Variants in PIK3CB observed in about 807,000 individuals in gnomAD.
The protein encoded by PIK3CB is phosphatidylinositol-4,5-bisphosphate 3-kinase catalytic subunit beta, also known as phosphatidylinositol 4,5-bisphosphate 3-kinase catalytic subunit beta isoform.
PIK3CB carries 39 observed loss-of-function variants against 136.8 expected under a neutral mutation model. The observed-to-expected ratio is 0.29, with a 90% CI of 0.22 to 0.37. PIK3CB has a LOEUF of 0.37. PIK3CB is among the 10% of genes least tolerant of loss of function. The pLI, the probability that PIK3CB is intolerant of heterozygous loss-of-function variation, is 1.00. For missense variants in PIK3CB, 868 were observed against 1,275.4 expected, an observed-to-expected ratio of 0.68 and a Z score of 4.87; for synonymous variants, 428 against 436.6, an observed-to-expected ratio of 0.98 and a Z score of 0.25.
At chr3:138,662,745 C>T (rs2108412281) in intron 21 of PIK3CB, among the ~76,000 whole-genome samples, 1 of 152,066 alleles carries the variant, frequency 6.6e-6, no homozygotes, top group South Asian at 2.1e-4. Flanking sequence ...AAAAGTGTTC[C>T]TATTTCTCCA....
chr3:138,805,831 G>A (rs1262996524), intron 1 of PIK3CB, among the ~76,000 whole-genome samples: 1 of 151,646 alleles, frequency 6.6e-6, no homozygotes, highest in Non-Finnish European at 1.5e-5. Context: ...CCCGGTCCAA[G>A]CGATTCTCCT....
In PIK3CB at chr3:138,665,110, G is replaced by C; in HGVS notation, c.2598C>G (p.Asn866Lys). The change falls in exon 20 of 24, where the codon AAC becomes AAG. Residue 866 changes from asparagine (N) to lysine (K), a missense_variant. This residue lies in a region of PIK3CB where 165 missense variants were observed against 295.4 expected (regional missense o/e 0.56). Coordinates refer to ENST00000674063, the MANE Select transcript of PIK3CB (RefSeq NM_006219.3). Reference protein sequence around the residue: ...TSETIADIQLNSSNVAAAAAF... With the variant: ...TSETIADIQLKSSNVAAAAAF... ...CTGCTGCAGCAGCCACATTGCTACT[G>C]TTCAGCTGAATGTCAGCAATTGTTT... The C allele has an allele frequency of 6.2e-7, 1 of 1,613,352 alleles. No homozygotes were observed. The highest frequency in any genetic ancestry group is 8.5e-7 in the Non-Finnish European group (1 of 1,179,408).
At chr3:138,760,456 C>T (rs749748078) in intron 2 of PIK3CB, among the ~76,000 whole-genome samples, 1 of 152,210 alleles carries the variant, frequency 6.6e-6, no homozygotes, top group African/African-American at 2.4e-5. Context: ...ACTATCCCAA[C>T]AAATGCACCC....
chr3:138,663,671 C>G (rs370195782), intron 21 of PIK3CB, among the ~76,000 whole-genome samples: 3 of 152,122 alleles, frequency 2.0e-5, no homozygotes, highest in African/African-American at 7.2e-5. Context: ...CGTGAGCCAC[C>G]ACACACAGCC....
intron 10 of PIK3CB, among the ~76,000 whole-genome samples, chr3:138,708,526 G>A (rs1215187591): frequency 2.0e-5 from 3 of 151,540 alleles, no homozygotes; most frequent in African/African-American, 7.3e-5. Context: ...CTCCAAAAGT[G>A]CTGGAATTAC....
chr3:138,696,383 G>T (rs2044138642), intron 13 of PIK3CB, among the ~76,000 whole-genome samples: 2 of 151,506 alleles, frequency 1.3e-5, no homozygotes, highest in South Asian at 4.2e-4. Context: ...GTAGAGATAG[G>T]GTCTCGCTAT....
intron 10 of PIK3CB, 114 bp downstream of exon 10, chr3:138,712,094 A>G (rs999184991): frequency 7.9e-6 from 4 of 504,644 alleles, no homozygotes; most frequent in Non-Finnish European, 1.0e-5. Context: ...TAAATAATAC[A>G]AAATGATAAT....
chr3:138,657,727 G>C lies in PIK3CB; in HGVS notation c.2905C>G (p.Gln969Glu), dbSNP rs2043216713. ...TCTGTATTTCCTGTTTTTCCTTGTTGAATGACATGGATGAAATCATAGGTA... is the reference window on the plus strand; with the variant it reads ...TCTGTATTTCCTGTTTTTCCTTGTTCAATGACATGGATGAAATCATAGGTA... ...ILTYDFIHVI[Q>E]QGKTGNTEKF... The change falls in exon 22 of 24, where the codon CAA becomes GAA. Residue 969 changes from glutamine (Q) to glutamate (E), a missense_variant. Gln to Glu is a conservative substitution (Grantham distance 29, BLOSUM62 2). Transcript: ENST00000674063. The C allele has an allele frequency of 6.2e-7, 1 of 1,613,074 alleles. No individual in the cohort carries two copies. The highest frequency in any genetic ancestry group is 1.7e-5 in the Admixed American group (1 of 59,930).
At chr3:138,748,156 TACACACACACACACACACAC>T (rs3071146) in intron 4 of PIK3CB, among the ~76,000 whole-genome samples, 40 of 142,894 alleles carry the variant, frequency 2.8e-4, no homozygotes, top group African/African-American at 9.0e-4. Context: ...TTAGAAATCA[TACACACACACACACACACAC>T]ACACACACAC....
intron 2 of PIK3CB, among the ~76,000 whole-genome samples, chr3:138,780,494 C>G (rs1334054146): frequency 6.6e-6 from 1 of 152,078 alleles, no homozygotes; most frequent in Non-Finnish European, 1.5e-5. Flanking sequence ...TGGTTTCGAT[C>G]TCTTGACCTC....
intron 2 of PIK3CB, among the ~76,000 whole-genome samples, chr3:138,783,015 A>C (rs2045938178): frequency 6.6e-6 from 1 of 152,210 alleles, no homozygotes; most frequent in Non-Finnish European, 1.5e-5. Context: ...ATCCAAACAG[A>C]AAACAGAATT....
At chr3:138,832,825 C>T (rs1269432099) in intron 1 of PIK3CB, among the ~76,000 whole-genome samples, 3 of 106,104 alleles carry the variant, frequency 2.8e-5, no homozygotes, top group Non-Finnish European at 5.8e-5. Flanking sequence ...AGCGAAACTC[C>T]GTCTCAAAAA....
chr3:138,779,696 A>ATCT (rs2045902537), intron 2 of PIK3CB, among the ~76,000 whole-genome samples: 1 of 145,142 alleles, frequency 6.9e-6, no homozygotes, highest in African/African-American at 2.5e-5. Context: ...ACCTGGCCAA[A>ATCT]TTTTTTTTTT....
intron 19 of PIK3CB, among the ~76,000 whole-genome samples, chr3:138,680,656 G>GA (rs936915367): frequency 5.9e-5 from 9 of 151,474 alleles, no homozygotes; most frequent in African/African-American, 2.2e-4. Context: ...TATCATTTAA[G>GA]AAAATCTTTG....
chr3:138,766,776 T>G (rs2045737299), intron 2 of PIK3CB, among the ~76,000 whole-genome samples: 1 of 152,200 alleles, frequency 6.6e-6, no homozygotes, highest in South Asian at 2.1e-4. Context: ...AAAGCAGAAT[T>G]ATTGTGTTTA....
intron 2 of PIK3CB, among the ~76,000 whole-genome samples, chr3:138,765,611 G>C (rs2045722869): frequency 6.6e-6 from 1 of 151,906 alleles, no homozygotes; most frequent in South Asian, 2.1e-4. Context: ...GGGAGGCTGA[G>C]GTGGGGGGAT....
At chr3:138,815,676 A>G (rs1342672645) in intron 1 of PIK3CB, among the ~76,000 whole-genome samples, 1 of 152,114 alleles carries the variant, frequency 6.6e-6, no homozygotes, top group African/African-American at 2.4e-5. Flanking sequence ...TATATTCATA[A>G]ATTATTCATA....
At chr3:138,811,227 A>G (rs1933029981) in intron 1 of PIK3CB, among the ~76,000 whole-genome samples, 1 of 120,382 alleles carries the variant, frequency 8.3e-6, no homozygotes, top group Admixed American at 9.9e-5. Flanking sequence ...TGGGTGACAG[A>G]GCAAGACTCT....
intron 2 of PIK3CB, among the ~76,000 whole-genome samples, chr3:138,781,933 A>G (rs1314536175): frequency 6.6e-6 from 1 of 152,228 alleles, no homozygotes; most frequent in Non-Finnish European, 1.5e-5. Context: ...AAAAAATTAA[A>G]GTTTTAAAAA....
Sources: allele counts gnomAD v4.1 joint callset (sites outside exome capture counted in the v4.1 genomes callset), GRCh38; gene constraint gnomAD v4.1.1; regional missense constraint gnomAD v4.1.1; transcripts MANE v1.5; gene names NCBI Gene and HGNC (gene_info 2026-07-23, HGNC 2026-07-21).